The following UPF3A variants were observed in gnomAD, a reference collection of about 807,000 sequenced individuals.
UPF3A encodes the protein UPF3A regulator of nonsense mediated mRNA decay, also known as regulator of nonsense transcripts 3A.
Under a neutral mutation model 53.5 loss-of-function variants are expected in UPF3A, and 42 were observed. The observed-to-expected ratio is 0.78, with a 90% confidence interval of 0.61 to 1.01. UPF3A has a LOEUF of 1.01. Among genes scored for constraint, UPF3A ranks in the 50% least tolerant of loss-of-function variants. The pLI is 0.00. For synonymous variants in UPF3A, 237 were observed against 225.3 expected (o/e 1.05, Z -0.47); for missense variants, 575 against 598.0 (o/e 0.96, Z 0.40).
In UPF3A at chr13:114,291,785, G is replaced by A; in HGVS notation, c.839G>A (p.Arg280Lys). The A allele has an allele frequency of 6.3e-7, 1 of 1,585,408 alleles. No homozygotes were observed. The highest frequency in any genetic ancestry group is 1.9e-5 in the Admixed American group (1 of 53,772). The change falls in exon 7 of 10, where the codon AGG becomes AAG. Residue 280 changes from arginine to lysine, a missense_variant. By Grantham distance (26) the Arg-to-Lys change is conservative. Coordinates refer to ENST00000375299, the MANE Select transcript of UPF3A (RefSeq NM_023011.4). ...AAGAAAATTGCAGAGAAAGAAGTAAGGATTAAGGTAATTCTGAGGAAACAT... is the reference window on the plus strand; with the variant it reads ...AAGAAAATTGCAGAGAAAGAAGTAAAGATTAAGGTAATTCTGAGGAAACAT... The part of the protein sequence containing the change: ...KQKKIAEKEV[R>K]IKLLKKPEKG...
chr13:114,290,734 CTT>C (rs112441605), intron 5 of UPF3A, among the ~76,000 whole-genome samples: 34 of 138,336 alleles, frequency 2.5e-4, no homozygotes, highest in Non-Finnish European at 3.3e-4. Flanking sequence ...TCTTTTTTTT[CTT>C]TTTTTTTTTT....
intron 7 of UPF3A, 52 bp from the exon 8 acceptor site, chr13:114,298,788 C>A: frequency 7.2e-7 from 1 of 1,387,782 alleles, no homozygotes. Context: ...TTAACAGCTT[C>A]TTTTAAAATA....
chr13:114,298,582 T>C (rs2139336150), intron 7 of UPF3A, among the ~76,000 whole-genome samples: 1 of 152,268 alleles, frequency 6.6e-6, no homozygotes, highest in African/African-American at 2.4e-5. Flanking sequence ...ATGTTCTGTT[T>C]TTTAGCCCTT....
chr13:114,297,198 A>G (rs1381583659), intron 7 of UPF3A, among the ~76,000 whole-genome samples: 1 of 151,852 alleles, frequency 6.6e-6, no homozygotes, highest in African/African-American at 2.4e-5. Flanking sequence ...TCTGTTCTAC[A>G]AATGATCTGT....
chr13:114,291,436 A>G, intron 5 of UPF3A, 53 bp from the exon 6 acceptor site: 1 of 1,460,194 alleles, frequency 6.8e-7, no homozygotes, highest in Non-Finnish European at 9.3e-7. Context: ...CAAGTATTTA[A>G]AATACATCTT....
intron 7 of UPF3A, among the ~76,000 whole-genome samples, chr13:114,292,182 A>T (rs751169016): frequency 6.6e-6 from 1 of 150,642 alleles, no homozygotes; most frequent in Non-Finnish European, 1.5e-5. Context: ...TGTCAGCTCA[A>T]CGCGTACACG....
intron 7 of UPF3A, 139 bp from the exon 8 acceptor site, chr13:114,298,701 T>C: frequency 1.1e-6 from 1 of 883,938 alleles, no homozygotes; most frequent in Non-Finnish European, 1.6e-6. Context: ...AAAAACCTCA[T>C]TTTTGGACCT....
rs1449906482 is a variant in UPF3A at position 114,304,807 on chromosome 13, C to T, written c.1321C>T (p.Leu441=). 2 of 1,613,796 alleles carry T rather than the reference C, an allele frequency of 1.2e-6. No individual in the cohort carries two copies. Among genetic ancestry groups the T allele is most frequent in the Non-Finnish European group, 1.7e-6 (2 of 1,179,768 alleles). Reference sequence around the variant, plus strand: ...CTGGCAGGACCGGCCAGCCTTGCAGCTGTATGATCCAGGAGCTCGCTTCCG... The same window carrying T: ...CTGGCAGGACCGGCCAGCCTTGCAGTTGTATGATCCAGGAGCTCGCTTCCG... ...LANKDRPALQ[L]YDPGARFRAR... The change falls in exon 10 of 10, where the codon CTG becomes TTG. Residue 441 remains leucine, a synonymous_variant. Coordinates refer to ENST00000375299, the MANE Select transcript of UPF3A (RefSeq NM_023011.4).
At position 114,287,776 on chromosome 13, in the gene UPF3A, T is replaced by TTTA. The variant is rs570250139; in HGVS notation, c.631+1147_631+1148insTTA. 1.2e-3 allele frequency among the ~76,000 whole-genome samples: 182 copies of TTTA among 152,322 alleles called. 1 individual carries two copies. The highest frequency in any genetic ancestry group is 4.3e-3 in the African/African-American group (178 of 41,552). ...GATTGAATTAATAAAAAAAGATTAA[T>TTTA]ATTACTGAAATAGTCCGTTCACTTT... On this transcript the variant is annotated intron_variant, in intron 5 of 9. Coordinates refer to ENST00000375299, the MANE Select transcript of UPF3A (RefSeq NM_023011.4).
chr13:114,297,625 TCAAGAC>T (rs956946492), intron 7 of UPF3A, among the ~76,000 whole-genome samples: 1 of 151,788 alleles, frequency 6.6e-6, no homozygotes, highest in African/African-American at 2.4e-5. Context: ...GGTCAGGAGT[TCAAGAC>T]CAGCCTGGCC....
chr13:114,301,618 C>T (rs12584898), intron 8 of UPF3A, 113 bp from the exon 9 acceptor site: 71,804 of 1,007,348 alleles, frequency 0.071, 2,829 homozygotes, highest in Middle Eastern at 0.13. Context: ...AGCAGTGCAG[C>T]GCTGAGCACT....
At chr13:114,282,372 C>A (rs2084173645) in intron 2 of UPF3A, 1 of 1,117,200 alleles carries the variant, frequency 9.0e-7, no homozygotes. Flanking sequence ...CTTAGGAAAG[C>A]GGGTGCCTTT....
At chr13:114,295,645 G>T (rs1187471896) in intron 7 of UPF3A, among the ~76,000 whole-genome samples, 1 of 152,196 alleles carries the variant, frequency 6.6e-6, no homozygotes, top group African/African-American at 2.4e-5. Context: ...AGCTTTTGAT[G>T]CTACCTGAGG....
intron 3 of UPF3A, chr13:114,286,069 T>C (rs2084656338): frequency 2.0e-6 from 1 of 491,616 alleles, no homozygotes; most frequent in South Asian, 3.5e-5. Context: ...AGTTCATCCT[T>C]GTTTAAGTCT....
chr13:114,302,099 C>A, intron 9 of UPF3A, 74 bp downstream of exon 9: 1 of 1,368,412 alleles, frequency 7.3e-7, no homozygotes. Context: ...CCATGTCACC[C>A]CCACTTGGCC....
Position 114,301,828 on chromosome 13 carries a change from C to A in UPF3A, c.1105C>A (p.His369Asn). The A allele has an allele frequency of 6.2e-7, 1 of 1,613,688 alleles. No individual in the cohort carries two copies. Among genetic ancestry groups the A allele is most frequent in the Non-Finnish European group, 8.5e-7 (1 of 1,179,888 alleles). The change falls in exon 9 of 10, where the codon CAC becomes AAC. Residue 369 changes from histidine (H) to asparagine (N), a missense_variant. His to Asn is a moderately conservative substitution (Grantham distance 68). This residue lies in a region of UPF3A where 323 missense variants were observed against 415.2 expected (regional missense o/e 0.78). Transcript: ENST00000375299. ...ATACCATGTGGATGACGGCAGGAGG[C>A]ACAGAGCTCACCACGAGCCTGAACG... ...QRYHVDDGRRHRAHHEPERLS... is the reference protein window; with the variant it reads ...QRYHVDDGRRNRAHHEPERLS...
intron 7 of UPF3A, 27 bp downstream of exon 7, chr13:114,291,819 T>C: frequency 6.4e-7 from 1 of 1,564,694 alleles, no homozygotes; most frequent in Non-Finnish European, 8.6e-7. Flanking sequence ...ATTTCCTTTT[T>C]CCAAAAATAG....
At chr13:114,285,894 A>T (rs2084636833) in intron 3 of UPF3A, 1 of 163,352 alleles carries the variant, frequency 6.1e-6, no homozygotes, top group African/African-American at 2.4e-5. Flanking sequence ...TTCCAACGAT[A>T]AATTATTTGG....
chr13:114,302,859 T>C (rs1263662190), intron 9 of UPF3A, among the ~76,000 whole-genome samples: 2 of 152,292 alleles, frequency 1.3e-5, no homozygotes, highest in African/African-American at 2.4e-5. Flanking sequence ...CCCAGCACTT[T>C]GGGAGGCTGA....
Sources: allele counts gnomAD v4.1 joint callset (sites outside exome capture counted in the v4.1 genomes callset), GRCh38; gene constraint gnomAD v4.1.1; regional missense constraint gnomAD v4.1.1; transcripts MANE v1.5; gene names NCBI Gene and HGNC (gene_info 2026-07-23, HGNC 2026-07-21).